Variants in TBC1D22A observed in about 807,000 individuals in gnomAD.
TBC1D22A encodes the protein putative GTPase activator.
Under a neutral mutation model 60.2 loss-of-function variants are expected in TBC1D22A, and 38 were observed. That is an observed-to-expected ratio of 0.63 (90% confidence interval 0.49 to 0.83). The LOEUF is 0.83. Among genes scored for constraint, TBC1D22A ranks in the 40% least tolerant of loss-of-function variants. The probability of loss-of-function intolerance (pLI) is 0.00; values close to 1 mark genes in which losing one functional copy is unlikely to be tolerated. For missense variants in TBC1D22A, 628 were observed against 701.0 expected, an observed-to-expected ratio of 0.90 and a Z score of 1.18; for synonymous variants, 302 against 281.7, an observed-to-expected ratio of 1.07 and a Z score of -0.72.
At chr22:46,875,604 A>G (rs1484996299) in intron 4 of TBC1D22A, among the ~76,000 whole-genome samples, 1 of 152,104 alleles carries the variant, frequency 6.6e-6, no homozygotes, top group Non-Finnish European at 1.5e-5. Flanking sequence ...GGCGCCAGCC[A>G]TGATGCTTGG....
intron 4 of TBC1D22A, among the ~76,000 whole-genome samples, chr22:46,852,445 C>G (rs540488551): frequency 6.6e-6 from 1 of 152,264 alleles, no homozygotes; most frequent in South Asian, 2.1e-4. Context: ...AGGCTGAGCA[C>G]AAGCTTATGA....
intron 1 of TBC1D22A, among the ~76,000 whole-genome samples, chr22:46,784,673 T>C (rs2084084114): frequency 6.6e-6 from 1 of 152,192 alleles, no homozygotes; most frequent in African/African-American, 2.4e-5. Context: ...AAAAAGGACA[T>C]GCAAATAGTG....
At chr22:46,782,965 C>G (rs1242953320) in intron 1 of TBC1D22A, among the ~76,000 whole-genome samples, 1 of 152,196 alleles carries the variant, frequency 6.6e-6, no homozygotes, top group African/African-American at 2.4e-5. Flanking sequence ...TCTTGGGTAT[C>G]TACCTCCGAG....
At position 46,890,692 on chromosome 22, in the gene TBC1D22A, C is replaced by T. The variant is rs570474976; in HGVS notation, c.709-574C>T. 3.9e-5 allele frequency among the ~76,000 whole-genome samples: 6 copies of T among 152,320 alleles called. No individual in the cohort carries two copies. The East Asian group carries it at 9.6e-4, about 24-fold the overall frequency. Reference sequence around the variant, plus strand: ...GCTCTTCGTGACCTCCTTGTGCTGCCTGGCCCTTTCTGACTTCAAGTCCCC... The same window carrying T: ...GCTCTTCGTGACCTCCTTGTGCTGCTTGGCCCTTTCTGACTTCAAGTCCCC... On this transcript the variant is annotated intron_variant, in intron 5 of 12. Coordinates refer to ENST00000337137, the MANE Select transcript of TBC1D22A (RefSeq NM_014346.5).
intron 8 of TBC1D22A, among the ~76,000 whole-genome samples, chr22:46,919,607 C>G (rs1040110911): frequency 6.6e-6 from 1 of 152,096 alleles, no homozygotes; most frequent in Non-Finnish European, 1.5e-5. Context: ...GAGGACCTGC[C>G]GGACTGCTTT....
intron 11 of TBC1D22A, among the ~76,000 whole-genome samples, chr22:47,071,807 T>C (rs200786913): frequency 1.3e-5 from 2 of 152,172 alleles, no homozygotes; most frequent in East Asian, 3.9e-4. Context: ...TGAGAGTCAA[T>C]ATGATGCAGA....
At chr22:46,796,075 G>C (rs1326569795) in intron 3 of TBC1D22A, among the ~76,000 whole-genome samples, 1 of 152,166 alleles carries the variant, frequency 6.6e-6, no homozygotes, top group Non-Finnish European at 1.5e-5. Flanking sequence ...CCACTGCTTG[G>C]TGTGCGGCTG....
At chr22:46,878,544 A>T in intron 4 of TBC1D22A, 109 bp from the exon 5 acceptor site, 3 of 850,580 alleles carry the variant, frequency 3.5e-6, no homozygotes, top group Non-Finnish European at 6.0e-6. Context: ...TAATTTGTTT[A>T]TGGGGCTCCT....
At chr22:47,079,149 C>T (rs60490079) in intron 11 of TBC1D22A, among the ~76,000 whole-genome samples, 8,939 of 148,952 alleles carry the variant, frequency 0.06, 306 homozygotes, top group Middle Eastern at 0.092. Context: ...TGCAGTGGCA[C>T]GATCTTGGCT....
At chr22:46,974,526 A>G (rs1267698113) in intron 9 of TBC1D22A, 127 bp downstream of exon 9, 1 of 763,642 alleles carries the variant, frequency 1.3e-6, no homozygotes, top group African/African-American at 1.7e-5. Context: ...TCACTTTTCT[A>G]CATCTGGAAT....
intron 1 of TBC1D22A, among the ~76,000 whole-genome samples, chr22:46,788,308 G>T (rs2084253366): frequency 6.6e-6 from 1 of 152,264 alleles, no homozygotes; most frequent in South Asian, 2.1e-4. Context: ...AATGATATCT[G>T]CCTTATTGGG....
chr22:46,788,165 A>G (rs900840422), intron 1 of TBC1D22A, among the ~76,000 whole-genome samples: 1 of 151,854 alleles, frequency 6.6e-6, no homozygotes, highest in Non-Finnish European at 1.5e-5. Flanking sequence ...CTCGATCTCC[A>G]GACCTCGTGA....
In TBC1D22A at chr22:46,945,254, A is replaced by C. The variant is rs527531318; in HGVS notation, c.1016-29036A>C. Reference sequence around the variant, plus strand: ...GCAGTTTAAATTTCGGGAGGGATACATGGCAATTTATTGTATTCATTCACT... The same window carrying C: ...GCAGTTTAAATTTCGGGAGGGATACCTGGCAATTTATTGTATTCATTCACT... On this transcript the variant is annotated intron_variant, in intron 8 of 12. Transcript: ENST00000337137. Among the ~76,000 whole-genome samples, 3 of 152,316 alleles carry C rather than the reference A, an allele frequency of 2.0e-5. No individual in the cohort carries two copies. The South Asian group carries it at 6.2e-4, about 32-fold the overall frequency.
intron 1 of TBC1D22A, among the ~76,000 whole-genome samples, chr22:46,765,675 C>T (rs2083256988): frequency 6.6e-6 from 1 of 152,104 alleles, no homozygotes; most frequent in Admixed American, 6.5e-5. Context: ...CCATGTCGGC[C>T]AGGCTAGTCT....
At chr22:46,814,711 G>C (rs928823649) in intron 4 of TBC1D22A, among the ~76,000 whole-genome samples, 1 of 151,572 alleles carries the variant, frequency 6.6e-6, no homozygotes, top group South Asian at 2.1e-4. Flanking sequence ...CAATGACAAG[G>C]TCCCGGCTCA....
rs149561331 is a variant in TBC1D22A at position 47,150,788 on chromosome 22, G to A, written c.1426-22710G>A. On this transcript the variant is annotated intron_variant, in intron 12 of 12. Coordinates refer to ENST00000337137, the MANE Select transcript of TBC1D22A (RefSeq NM_014346.5). ...GTGCCCCACTCCCACCCCCAGCATCGTCCCCTGCACCCACGGGGCTCCCGT... is the reference window on the plus strand; with the variant it reads ...GTGCCCCACTCCCACCCCCAGCATCATCCCCTGCACCCACGGGGCTCCCGT... Among the ~76,000 whole-genome samples, 542 of 151,900 alleles carry A rather than the reference G, an allele frequency of 3.6e-3. 2 individuals carry two copies. The highest frequency in any genetic ancestry group is 6.7e-3 in the Non-Finnish European group (454 of 67,950).
At chr22:46,911,754 C>T (rs2069942325) in intron 7 of TBC1D22A, among the ~76,000 whole-genome samples, 1 of 151,606 alleles carries the variant, frequency 6.6e-6, no homozygotes, top group South Asian at 2.1e-4. Flanking sequence ...CCTGTGTGTA[C>T]CAAAAAATAC....
intron 4 of TBC1D22A, among the ~76,000 whole-genome samples, chr22:46,810,499 T>A (rs1477510502): frequency 6.6e-6 from 1 of 152,032 alleles, no homozygotes; most frequent in African/African-American, 2.4e-5. Flanking sequence ...ATTTAGTATA[T>A]AGGTATAATC....
In TBC1D22A at chr22:46,904,134, T is replaced by G. The variant is rs370925116; in HGVS notation, c.901-7940T>G. ...ATCTATCTATCTATCTATCTATCTA[T>G]CTATCTATCTACCTACCTACCTACC... On this transcript the variant is annotated intron_variant, in intron 7 of 12. Coordinates refer to ENST00000337137, the MANE Select transcript of TBC1D22A (RefSeq NM_014346.5). Among the ~76,000 whole-genome samples the G allele has an allele frequency of 2.0e-3, 135 of 66,576 alleles. 1 individual carries two copies. Among genetic ancestry groups the G allele is most frequent in the African/African-American group, 6.8e-3 (93 of 13,666 alleles). The allele number at this position is 66,576 out of a possible 152,430, so 43.7% of individuals were successfully genotyped here.
Sources: gnomAD v4.1 joint callset for allele counts (sites outside exome capture counted in the v4.1 genomes callset) on GRCh38, gnomAD v4.1.1 for gene constraint, MANE v1.5 for transcripts, NCBI Gene and HGNC (gene_info 2026-07-23, HGNC 2026-07-21) for gene names.